The following ADGRF4 variants were observed in gnomAD, a reference collection of about 807,000 sequenced individuals.
ADGRF4 encodes G-protein coupled receptor PGR18.
Under a neutral mutation model 58.5 loss-of-function variants are expected in ADGRF4, and 63 were observed. The observed-to-expected ratio is 1.08, with a 90% confidence interval of 0.88 to 1.33. ADGRF4 has a LOEUF of 1.33. Ranked by LOEUF, ADGRF4 falls within the 40% of genes most tolerant of loss-of-function variation. The pLI, the probability that ADGRF4 is intolerant of heterozygous loss-of-function variation, is 0.00. For synonymous variants in ADGRF4, 313 were observed against 295.4 expected (o/e 1.06, Z -0.61); for missense variants, 931 against 843.9 (o/e 1.10, Z -1.28).
At chr6:47,709,096 G>T (rs34581234) in intron 3 of ADGRF4, among the ~76,000 whole-genome samples, 1 of 150,834 alleles carries the variant, frequency 6.6e-6, no homozygotes, top group Non-Finnish European at 1.5e-5. Flanking sequence ...GCAAAGCTTG[G>T]TTCCTTTTCC....
At position 47,710,778 on chromosome 6, in the gene ADGRF4, G is replaced by T. The variant is rs1252291509; in HGVS notation, c.192G>T (p.Gln64His). The T allele has an allele frequency of 3.1e-6, 5 of 1,612,392 alleles. No homozygotes were observed. Among genetic ancestry groups the T allele is most frequent in the Non-Finnish European group, 4.2e-6 (5 of 1,179,266 alleles). Residue 64 changes from glutamine to histidine, a missense_variant, in exon 4 of 10, where the codon CAG becomes CAT. Physicochemically the swap from Gln to His is conservative, Grantham distance 24. Coordinates refer to ENST00000283303, the MANE Select transcript of ADGRF4 (RefSeq NM_153838.5). ...GPCISSSNCS[Q>H]PCAKDFHGEI... is the part of the protein sequence containing the mutation. ...GTATTTCTTCTTCCAACTGCAGCCA[G>T]CCCTGTGCTAAGGACTTTCATGGAG...
chr6:47,715,887 T>C (rs913207727), intron 6 of ADGRF4, among the ~76,000 whole-genome samples: 5 of 152,186 alleles, frequency 3.3e-5, no homozygotes, highest in African/African-American at 1.2e-4. Flanking sequence ...CTCAGATCAA[T>C]TATATATCTT....
chr6:47,708,303 A>T, intron 3 of ADGRF4, 25 bp downstream of exon 3: 2 of 1,569,526 alleles, frequency 1.3e-6, no homozygotes, highest in Non-Finnish European at 1.8e-6. Flanking sequence ...AACAGTCTTC[A>T]TCCATTTGAA....
chr6:47,703,837 G>A (rs1771644613), intron 1 of ADGRF4, among the ~76,000 whole-genome samples: 1 of 152,178 alleles, frequency 6.6e-6, no homozygotes, highest in Non-Finnish European at 1.5e-5. Context: ...TGTCATAGCT[G>A]TTGGATCCTT....
chr6:47,714,740 A>G lies in ADGRF4; in HGVS notation c.1495A>G (p.Ile499Val), dbSNP rs1333435538. 2 of 1,613,894 alleles carry G rather than the reference A, an allele frequency of 1.2e-6. No homozygotes were observed. Among genetic ancestry groups the G allele is most frequent in the African/African-American group, 2.7e-5 (2 of 75,000 alleles). Residue 499 changes from isoleucine to valine, a missense_variant, in exon 6 of 10, where the codon ATT (isoleucine) becomes GTT (valine). By Grantham distance (29) the Ile-to-Val change is conservative. Transcript: ENST00000283303. ...GATGCTCTTCAAAGCATTGCTCATCATTTATGGAATATTGGTCATTTTCCG... is the reference window on the plus strand; with the variant it reads ...GATGCTCTTCAAAGCATTGCTCATCGTTTATGGAATATTGGTCATTTTCCG... Reference protein sequence around the residue: ...FWMLFKALLIIYGILVIFRRM... With the variant: ...FWMLFKALLIVYGILVIFRRM...
intron 8 of ADGRF4, 51 bp downstream of exon 8, chr6:47,717,402 G>C (rs1177628620): frequency 8.5e-7 from 1 of 1,183,042 alleles, no homozygotes; most frequent in Middle Eastern, 2.1e-4. Context: ...GTCCTTGCCG[G>C]TTATGCAGAG....
intron 1 of ADGRF4, among the ~76,000 whole-genome samples, chr6:47,705,509 C>T (rs898776184): frequency 3.3e-5 from 5 of 152,334 alleles, no homozygotes; most frequent in South Asian, 2.1e-4. Flanking sequence ...TGTTCTCTTT[C>T]CTTTGCTCAG....
rs905363850 is a variant in ADGRF4 at position 47,709,238 on chromosome 6, A to G, written c.148+960A>G. Among the ~76,000 whole-genome samples, 3 of 152,048 alleles carry G rather than the reference A, an allele frequency of 2.0e-5. No individual in the cohort carries two copies. The East Asian group carries it at 5.8e-4, about 29-fold the overall frequency. ...TTACTTTCCATTTTCCCCAGCTGCT[A>G]TCTTAACCTGAGAATATTTCAACAG... On this transcript the variant is annotated intron_variant, in intron 3 of 9. Coordinates refer to ENST00000283303, the MANE Select transcript of ADGRF4 (RefSeq NM_153838.5).
In ADGRF4 at chr6:47,716,837, T is replaced by A. The variant is rs114471615; in HGVS notation, c.1964T>A (p.Met655Lys). ...GFFILLFGTI[M>K]DHKIRDALRM... is the part of the protein sequence containing the mutation. ...TTCATCCTGCTGTTTGGAACCATTATGGATCACAAGGTAATTTGAATTTGC... is the reference window on the plus strand; with the variant it reads ...TTCATCCTGCTGTTTGGAACCATTAAGGATCACAAGGTAATTTGAATTTGC... Residue 655 changes from methionine to lysine, a missense_variant, in exon 7 of 10, where the codon ATG becomes AAG. Met to Lys is a moderately conservative substitution (Grantham distance 95). Transcript: ENST00000283303. 2 of 1,599,532 alleles carry A rather than the reference T, an allele frequency of 1.3e-6. No homozygotes were observed. Among genetic ancestry groups the A allele is most frequent in the Non-Finnish European group, 8.5e-7 (1 of 1,172,350 alleles).
At chr6:47,719,591 T>C (rs1772109632) in intron 9 of ADGRF4, among the ~76,000 whole-genome samples, 1 of 152,144 alleles carries the variant, frequency 6.6e-6, no homozygotes. Flanking sequence ...GCCTTTCTAT[T>C]AAGGTCCTAC....
chr6:47,710,439 G>A (rs1203721883), intron 3 of ADGRF4, among the ~76,000 whole-genome samples: 1 of 152,184 alleles, frequency 6.6e-6, no homozygotes, highest in African/African-American at 2.4e-5. Context: ...CCCTGCATGA[G>A]TTAACCCCTG....
intron 7 of ADGRF4, 25 bp from the exon 8 acceptor site, chr6:47,717,267 C>G (rs1772043199): frequency 1.3e-6 from 2 of 1,553,002 alleles, no homozygotes; most frequent in Admixed American, 3.3e-5. Context: ...CTGTGAGGTA[C>G]TTCTCATTGT....
chr6:47,714,334 G>A lies in ADGRF4; in HGVS notation c.1089G>A (p.Ala363=), dbSNP rs140474813. 7,002 of 1,614,180 alleles carry A rather than the reference G, an allele frequency of 4.3e-3. 23 individuals are homozygous for A. Among genetic ancestry groups the A allele is most frequent in the Non-Finnish European group, 4.5e-3 (5,334 of 1,180,026 alleles). ...HSKKRRWDEK[A]CQMMLDIRNE... ...AGAAAAGGAGATGGGATGAGAAAGC[G>A]TGCCAAATGATGTTGGATATCAGGA... Residue 363 remains alanine, a synonymous_variant, in exon 6 of 10, where the codon GCG becomes GCA. Transcript: ENST00000283303.
intron 9 of ADGRF4, 148 bp downstream of exon 9, chr6:47,718,593 T>C (rs892190676): frequency 3.1e-6 from 2 of 651,836 alleles, no homozygotes; most frequent in African/African-American, 3.7e-5. Flanking sequence ...AATGGAAACA[T>C]CTTTATTGTC....
intron 6 of ADGRF4, 29 bp downstream of exon 6, chr6:47,715,206 GT>G (rs764983180): frequency 6.7e-7 from 1 of 1,494,654 alleles, no homozygotes; most frequent in South Asian, 1.3e-5. Flanking sequence ...ACTTTTCTGT[GT>G]TACTCCGACT....
rs1460752912 is a variant in ADGRF4 at position 47,714,505 on chromosome 6, G to A, written c.1260G>A (p.Leu420=). The change falls in exon 6 of 10, where the codon CTG becomes CTA. Residue 420 remains leucine, a synonymous_variant. Coordinates refer to ENST00000283303, the MANE Select transcript of ADGRF4 (RefSeq NM_153838.5). ...CAATCCTAAGCTTGGTTCTTTGCCTGATCATTGAAGCCACAGTGTGGTCCC... is the reference window on the plus strand; with the variant it reads ...CAATCCTAAGCTTGGTTCTTTGCCTAATCATTGAAGCCACAGTGTGGTCCC... ...SVSILSLVLC[L]IIEATVWSRV... 13 of 1,613,984 alleles carry A rather than the reference G, an allele frequency of 8.1e-6. No homozygotes were observed. Among genetic ancestry groups the A allele is most frequent in the East Asian group, 2.2e-5 (1 of 44,882 alleles).
In ADGRF4 at chr6:47,715,195, G is replaced by A; in HGVS notation, c.1932+18G>A. ...CTTTCCAGGTAAGTTCCAAGAGGGA[G>A]ACTTTTCTGTGTTACTCCGACTAGA... is the stretch of plus-strand genomic sequence containing the variant. On this transcript the variant is annotated intron_variant, in intron 6 of 9. Transcript: ENST00000283303. The A allele has an allele frequency of 6.5e-7, 1 of 1,540,312 alleles. No individual in the cohort carries two copies. The highest frequency in any genetic ancestry group is 8.8e-7 in the Non-Finnish European group (1 of 1,135,718).
At chr6:47,717,260 T>C (rs1475020166) in intron 7 of ADGRF4, 32 bp from the exon 8 acceptor site, 3 of 1,482,102 alleles carry the variant, frequency 2.0e-6, no homozygotes. Flanking sequence ...CCAACATCTG[T>C]GAGGTACTTC....
chr6:47,716,736 G>T, intron 6 of ADGRF4, 70 bp from the exon 7 acceptor site: 3 of 1,123,270 alleles, frequency 2.7e-6, no homozygotes, highest in South Asian at 1.3e-5. Flanking sequence ...CTAGAAGAGC[G>T]GTATGAAAAT....
Sources: gnomAD v4.1 joint callset for allele counts (sites outside exome capture counted in the v4.1 genomes callset) on GRCh38, gnomAD v4.1.1 for gene constraint, MANE v1.5 for transcripts, NCBI Gene and HGNC (gene_info 2026-07-23, HGNC 2026-07-21) for gene names.